PDE4D: variants seen among roughly 807,000 people sequenced by gnomAD.
PDE4D encodes 3',5'-cyclic-AMP phosphodiesterase 4D.
In PDE4D, 24 loss-of-function variants were observed where a neutral mutation model predicts 87.4. That is an observed-to-expected ratio of 0.27 (90% CI 0.20 to 0.39). PDE4D has a LOEUF of 0.39. PDE4D is among the 10% of genes least tolerant of loss of function. PDE4D has a pLI of 1.00. For synonymous variants in PDE4D, 384 were observed against 383.2 expected (o/e 1.00, Z -0.02); for missense variants, 714 against 1,041.0 (o/e 0.69, Z 4.32).
chr5:59,412,611 A>G lies in PDE4D; in HGVS notation c.456-196643T>C, dbSNP rs181530255. On this transcript the variant is annotated intron_variant, in intron 1 of 14. Transcript: ENST00000340635. ...TCATGCTTCTACAGGGTATTGATCC[A>G]TGGAAAATATTAATGATTAACTTAA... Among the ~76,000 whole-genome samples the G allele has an allele frequency of 5.8e-4, 89 of 152,366 alleles. 1 individual carries two copies. The highest frequency in any genetic ancestry group is 1.9e-3 in the African/African-American group (81 of 41,592).
At chr5:59,974,654 A>G (rs1761122207) in intron 3 of PDE4D, among the ~76,000 whole-genome samples, 4 of 152,212 alleles carry the variant, frequency 2.6e-5, no homozygotes, top group Admixed American at 1.3e-4. Flanking sequence ...TTTAACACCC[A>G]TCAGTCAGAG....
At chr5:59,430,176 A>G in intron 1 of PDE4D, 1 of 915,816 alleles carries the variant, frequency 1.1e-6, no homozygotes, top group Non-Finnish European at 1.4e-6. Context: ...CAGTGTGTTG[A>G]ATAAAAACTA....
chr5:59,310,282 TG>T (rs1316666375), intron 1 of PDE4D, among the ~76,000 whole-genome samples: 3 of 152,200 alleles, frequency 2.0e-5, no homozygotes, highest in Non-Finnish European at 4.4e-5. Flanking sequence ...CCTTATATGC[TG>T]GCCACACTGT....
At chr5:60,305,070 C>A (rs1262823059) in intron 1 of PDE4D, among the ~76,000 whole-genome samples, 2 of 146,950 alleles carry the variant, frequency 1.4e-5, no homozygotes, top group Admixed American at 1.3e-4. Context: ...CACACACACA[C>A]AACACACAAC....
intron 1 of PDE4D, among the ~76,000 whole-genome samples, chr5:59,650,984 G>A (rs923713214): frequency 5.3e-5 from 8 of 152,030 alleles, no homozygotes; most frequent in Admixed American, 4.6e-4. Context: ...GGCCGGGCGC[G>A]GTGGCTCACG....
intron 1 of PDE4D, among the ~76,000 whole-genome samples, chr5:59,246,164 A>T (rs908323627): frequency 6.6e-6 from 1 of 152,014 alleles, no homozygotes; most frequent in Non-Finnish European, 1.5e-5. Flanking sequence ...AAGGCAATCC[A>T]TTTCTTTTCT....
intron 1 of PDE4D, among the ~76,000 whole-genome samples, chr5:59,535,076 T>G (rs78464331): frequency 0.17 from 17,543 of 106,008 alleles, 1,336 homozygotes; most frequent in East Asian, 0.31. Flanking sequence ...TGTGTGTGTG[T>G]GGGGGGGGGG....
intron 1 of PDE4D, among the ~76,000 whole-genome samples, chr5:59,419,985 A>G (rs1794218454): frequency 6.6e-6 from 1 of 152,206 alleles, no homozygotes; most frequent in South Asian, 2.1e-4. Context: ...CACACTTACT[A>G]GTGAACATAG....
In PDE4D at chr5:59,549,874, T is replaced by A. The variant is rs538024486; in HGVS notation, c.456-333906A>T. 4.3e-3 allele frequency among the ~76,000 whole-genome samples: 655 copies of A among 152,078 alleles called. 9 individuals are homozygous for A. Among genetic ancestry groups the A allele is most frequent in the African/African-American group, 0.015 (618 of 41,474 alleles). ...TCTACTAACTCCAAAGTTCAATAAA[T>A]AATAACAATTTTCTCAAGGTTATTA... is the stretch of plus-strand genomic sequence containing the variant. On this transcript the variant is annotated intron_variant, in intron 1 of 14. Transcript: ENST00000340635.
intron 5 of PDE4D, chr5:59,174,280 G>T (rs938179339): frequency 6.6e-6 from 1 of 151,904 alleles, no homozygotes; most frequent in African/African-American, 2.4e-5. Flanking sequence ...TATTTAGAAT[G>T]CACTTACTGT....
At chr5:59,979,345 A>G (rs1194214886) in intron 3 of PDE4D, among the ~76,000 whole-genome samples, 2 of 131,186 alleles carry the variant, frequency 1.5e-5, no homozygotes, top group Non-Finnish European at 3.3e-5. Flanking sequence ...TATTATTTAT[A>G]TATTATAAAT....
chr5:59,516,040 ACAT>A (rs1811096976), intron 1 of PDE4D, among the ~76,000 whole-genome samples: 1 of 152,184 alleles, frequency 6.6e-6, no homozygotes, highest in African/African-American at 2.4e-5. Flanking sequence ...TAGAAGGGAA[ACAT>A]TATTTTAACT....
At chr5:59,426,048 AG>A (rs1795154708) in intron 1 of PDE4D, among the ~76,000 whole-genome samples, 1 of 152,174 alleles carries the variant, frequency 6.6e-6, no homozygotes, top group African/African-American at 2.4e-5. Context: ...TTATAAAAGC[AG>A]GAAATTTTGA....
chr5:59,476,621 G>C (rs969011335), intron 1 of PDE4D, among the ~76,000 whole-genome samples: 13 of 151,944 alleles, frequency 8.6e-5, no homozygotes, highest in African/African-American at 3.1e-4. Flanking sequence ...GTCTCCTTTG[G>C]CTGGTAAGTT....
intron 5 of PDE4D, among the ~76,000 whole-genome samples, chr5:59,043,955 T>G (rs566655757): frequency 2.6e-5 from 4 of 152,198 alleles, no homozygotes; most frequent in Non-Finnish European, 5.9e-5. Flanking sequence ...CAGTCTATCA[T>G]TGATGGACAT....
intron 1 of PDE4D, among the ~76,000 whole-genome samples, chr5:59,600,620 C>T (rs1401023645): frequency 6.6e-6 from 1 of 152,264 alleles, no homozygotes; most frequent in South Asian, 2.1e-4. Context: ...TTATAACCCA[C>T]ACAAGGGGAT....
chr5:59,564,359 G>T (rs558177982), intron 1 of PDE4D, among the ~76,000 whole-genome samples: 1 of 152,288 alleles, frequency 6.6e-6, no homozygotes, highest in South Asian at 2.1e-4. Context: ...AAGCTGACTG[G>T]GTAGGTAAAT....
intron 1 of PDE4D, among the ~76,000 whole-genome samples, chr5:59,625,029 T>A (rs953038766): frequency 3.9e-5 from 6 of 152,230 alleles, no homozygotes; most frequent in Non-Finnish European, 8.8e-5. Flanking sequence ...CACGGTTATA[T>A]TACTTTACAT....
At chr5:59,067,609 G>A (rs1029291999) in intron 5 of PDE4D, among the ~76,000 whole-genome samples, 1 of 152,082 alleles carries the variant, frequency 6.6e-6, no homozygotes, top group Non-Finnish European at 1.5e-5. Context: ...GGATTCATAT[G>A]GGTTTGCCAA....
Sources: allele counts gnomAD v4.1 joint callset (sites outside exome capture counted in the v4.1 genomes callset), GRCh38; gene constraint gnomAD v4.1.1; transcripts MANE v1.5; gene names NCBI Gene and HGNC (gene_info 2026-07-23, HGNC 2026-07-21).